Variants in CFAP299 observed in about 807,000 individuals in gnomAD.
CFAP299 encodes cilia and flagella associated protein 299.
CFAP299 carries 21 observed loss-of-function variants against 27.0 expected under a neutral mutation model. That is an observed-to-expected ratio of 0.78 (90% confidence interval 0.55 to 1.12). The LOEUF (loss-of-function observed/expected upper bound fraction) is 1.12, where lower values mean the gene tolerates loss of function less well. CFAP299 is among the 50% of genes most tolerant of loss of function. CFAP299 has a pLI of 0.00. For missense variants in CFAP299, 310 were observed against 276.6 expected, an observed-to-expected ratio of 1.12 and a Z score of -0.86; for synonymous variants, 104 against 98.1, an observed-to-expected ratio of 1.06 and a Z score of -0.36.
chr4:80,601,841 A>G (rs187182318), intron 3 of CFAP299, among the ~76,000 whole-genome samples: 17 of 152,350 alleles, frequency 1.1e-4, no homozygotes, highest in Non-Finnish European at 2.1e-4. Context: ...ATGTCAGTCA[A>G]TGATAGACTG....
chr4:80,487,346 A>G (rs1412556962), intron 2 of CFAP299, among the ~76,000 whole-genome samples: 11 of 152,216 alleles, frequency 7.2e-5, no homozygotes, highest in Admixed American at 5.2e-4. Context: ...AAATAATGTT[A>G]TCTGTGGGAT....
At chr4:80,525,629 A>T (rs1733138312) in intron 2 of CFAP299, among the ~76,000 whole-genome samples, 1 of 152,166 alleles carries the variant, frequency 6.6e-6, no homozygotes, top group Non-Finnish European at 1.5e-5. Flanking sequence ...AAAGCCTTGC[A>T]TAATCTGGCC....
intron 3 of CFAP299, among the ~76,000 whole-genome samples, chr4:80,813,490 T>C (rs937673697): frequency 6.6e-6 from 1 of 151,998 alleles, no homozygotes; most frequent in Non-Finnish European, 1.5e-5. Context: ...CATATGTATT[T>C]ACAGAAAGGA....
intron 2 of CFAP299, among the ~76,000 whole-genome samples, chr4:80,412,967 C>T (rs1726800930): frequency 6.6e-6 from 1 of 152,132 alleles, no homozygotes; most frequent in Non-Finnish European, 1.5e-5. Context: ...AGACTCTGCT[C>T]AGGTTTAGAA....
At chr4:80,789,099 T>C (rs1359999897) in intron 3 of CFAP299, among the ~76,000 whole-genome samples, 1 of 152,088 alleles carries the variant, frequency 6.6e-6, no homozygotes, top group African/African-American at 2.4e-5. Flanking sequence ...CATACATGCA[T>C]ACTAAAATAC....
chr4:80,678,691 A>G (rs981254818), intron 3 of CFAP299, among the ~76,000 whole-genome samples: 1 of 151,880 alleles, frequency 6.6e-6, no homozygotes, highest in African/African-American at 2.4e-5. Context: ...ATCCTCTTTA[A>G]TCTCTCTGCT....
At chr4:80,943,865 G>A (rs142180905) in intron 4 of CFAP299, among the ~76,000 whole-genome samples, 4,059 of 152,032 alleles carry the variant, frequency 0.027, 83 homozygotes, top group Non-Finnish European at 0.041. Context: ...TCAAAAGATC[G>A]AGACCATCCT....
In CFAP299 at chr4:80,956,408, A is replaced by C. The variant is rs543295840; in HGVS notation, c.607-7109A>C. Among the ~76,000 whole-genome samples, 37 of 152,120 alleles carry C rather than the reference A, an allele frequency of 2.4e-4. 1 individual carries two copies. The highest frequency in any genetic ancestry group is 1.2e-3 in the Admixed American group (19 of 15,274). ...TTATTACTATTGGAAATGAAAATTT[A>C]TTTTATATGCATGCTACTATATAAT... On this transcript the variant is annotated intron_variant, in intron 5 of 5. Transcript: ENST00000358105.
intron 2 of CFAP299, among the ~76,000 whole-genome samples, chr4:80,521,120 C>T (rs772759086): frequency 1.3e-5 from 2 of 152,076 alleles, no homozygotes; most frequent in African/African-American, 2.4e-5. Flanking sequence ...CTACCATTAG[C>T]ATAACAAAAG....
intron 3 of CFAP299, among the ~76,000 whole-genome samples, chr4:80,848,931 G>C (rs532223541): frequency 1.1e-4 from 17 of 152,252 alleles, no homozygotes; most frequent in Admixed American, 9.8e-4. Flanking sequence ...GGACATTACT[G>C]TACACTATGG....
intron 2 of CFAP299, among the ~76,000 whole-genome samples, chr4:80,447,279 G>T: frequency 6.9e-6 from 1 of 145,084 alleles, no homozygotes; most frequent in Non-Finnish European, 1.5e-5. Flanking sequence ...GGGACTACAG[G>T]CGCCCGCCAC....
chr4:80,383,603 A>C (rs1194606057), intron 2 of CFAP299, among the ~76,000 whole-genome samples: 1 of 152,206 alleles, frequency 6.6e-6, no homozygotes, highest in Non-Finnish European at 1.5e-5. Flanking sequence ...ATCAATAATA[A>C]ATTTTGTAAT....
chr4:80,501,140 G>C (rs1731720650), intron 2 of CFAP299, among the ~76,000 whole-genome samples: 1 of 151,992 alleles, frequency 6.6e-6, no homozygotes, highest in South Asian at 2.1e-4. Flanking sequence ...ATTTCTAGTA[G>C]TTTACAAGGT....
chr4:80,328,075 A>G, the CFAP299 span, among the ~76,000 whole-genome samples: 180 of 152,210 alleles, frequency 1.2e-3, no homozygotes, highest in African/African-American at 4.1e-3. Flanking sequence ...TTGGCGACCT[A>G]GAAAAAAAAC....
intron 2 of CFAP299, among the ~76,000 whole-genome samples, chr4:80,496,048 G>A (rs553106923): frequency 4.6e-5 from 7 of 152,284 alleles, no homozygotes; most frequent in African/African-American, 1.7e-4. Context: ...ATGACTTCAA[G>A]GCCTTTTTCC....
chr4:80,624,880 G>T (rs917034463), intron 3 of CFAP299, among the ~76,000 whole-genome samples: 5 of 152,088 alleles, frequency 3.3e-5, no homozygotes, highest in African/African-American at 1.2e-4. Context: ...AGAATACTGT[G>T]CTCAGCAAAA....
At chr4:80,465,675 GA>G (rs1477285378) in intron 2 of CFAP299, among the ~76,000 whole-genome samples, 1 of 152,008 alleles carries the variant, frequency 6.6e-6, no homozygotes, top group African/African-American at 2.4e-5. Context: ...GAGTGAAAGA[GA>G]AAAAAACCAA....
intron 2 of CFAP299, among the ~76,000 whole-genome samples, chr4:80,381,121 T>C (rs1386883325): frequency 6.6e-6 from 1 of 152,242 alleles, no homozygotes; most frequent in Non-Finnish European, 1.5e-5. Flanking sequence ...TCTGGGCTTT[T>C]AGCTCCATAT....
chr4:80,344,348 C>A (rs1301493822), intron 1 of CFAP299, among the ~76,000 whole-genome samples: 1 of 151,686 alleles, frequency 6.6e-6, no homozygotes, highest in Non-Finnish European at 1.5e-5. Flanking sequence ...AAAATACAAC[C>A]ATCAGATAAT....
Sources: gnomAD v4.1 joint callset for allele counts (sites outside exome capture counted in the v4.1 genomes callset) on GRCh38, gnomAD v4.1.1 for gene constraint, MANE v1.5 for transcripts, NCBI Gene and HGNC (gene_info 2026-07-23, HGNC 2026-07-21) for gene names.